Variants in TNRC6C observed in about 807,000 individuals in gnomAD.
TNRC6C encodes trinucleotide repeat containing adaptor 6C, also known as trinucleotide repeat-containing gene 6C protein.
Under a neutral mutation model 153.7 loss-of-function variants are expected in TNRC6C, and 20 were observed. The observed-to-expected ratio is 0.13, with a 90% CI of 0.09 to 0.19. The LOEUF is 0.19. Ranked by LOEUF, TNRC6C falls within the 10% of genes least tolerant of loss-of-function variation. TNRC6C has a pLI of 1.00. For missense variants in TNRC6C, 1,987 were observed against 2,172.0 expected, an observed-to-expected ratio of 0.91 and a Z score of 1.69; for synonymous variants, 811 against 841.4, an observed-to-expected ratio of 0.96 and a Z score of 0.63.
chr17:78,014,392 C>A (rs568087742), intron 1 of TNRC6C, among the ~76,000 whole-genome samples: 1 of 152,220 alleles, frequency 6.6e-6, no homozygotes, highest in South Asian at 2.1e-4. Flanking sequence ...GGCATTAATG[C>A]TGTCTTGATT....
At chr17:77,958,645 C>G (rs2070831762), upstream of TNRC6C, among the ~76,000 whole-genome samples, 1 of 148,184 alleles carries the variant, frequency 6.7e-6, no homozygotes. Flanking sequence ...CAACGCGGGG[C>G]GGGGAAGGGG....
At chr17:77,973,957 CTTT>C (rs2070963048) in intron 1 of TNRC6C, among the ~76,000 whole-genome samples, 1 of 137,898 alleles carries the variant, frequency 7.3e-6, no homozygotes, top group South Asian at 2.2e-4. Flanking sequence ...TCCCAGAAGG[CTTT>C]TGTTGTTGTT....
chr17:78,031,945 C>T, intron 2 of TNRC6C, 103 bp downstream of exon 4: 1 of 939,420 alleles, frequency 1.1e-6, no homozygotes, highest in Non-Finnish European at 1.4e-6. Context: ...TCCATACTCA[C>T]AACATACACA....
chr17:78,058,023 C>T (rs79810498), intron 3 of TNRC6C, among the ~76,000 whole-genome samples: 14 of 152,240 alleles, frequency 9.2e-5, no homozygotes, highest in African/African-American at 2.6e-4. Context: ...CAGTATTAGT[C>T]CAGAGAAATA....
At chr17:77,965,150 G>A (rs142449224) in intron 1 of TNRC6C, among the ~76,000 whole-genome samples, 1 of 152,300 alleles carries the variant, frequency 6.6e-6, no homozygotes, top group African/African-American at 2.4e-5. Context: ...CCATTTTACA[G>A]ATGAGCAAAG....
chr17:78,064,176 C>CTTA (rs1409137588), intron 3 of TNRC6C, among the ~76,000 whole-genome samples: 2 of 152,270 alleles, frequency 1.3e-5, no homozygotes, highest in East Asian at 3.9e-4. Context: ...TAAAACTTAA[C>CTTA]CACTTGGTTC....
upstream of TNRC6C, among the ~76,000 whole-genome samples, chr17:78,000,749 C>T (rs2071401335): frequency 6.6e-6 from 1 of 151,424 alleles, no homozygotes; most frequent in African/African-American, 2.4e-5. Context: ...GAAACATTTA[C>T]AATTTCTGAT....
chr17:78,080,605 T>C (rs967070840), intron 10 of TNRC6C, among the ~76,000 whole-genome samples: 7 of 152,234 alleles, frequency 4.6e-5, no homozygotes, highest in Non-Finnish European at 5.9e-5. Flanking sequence ...AGTTTTTAAT[T>C]ACAGTGTTAG....
intron 1 of TNRC6C, among the ~76,000 whole-genome samples, chr17:77,968,122 T>C (rs2070912586): frequency 6.6e-6 from 1 of 152,228 alleles, no homozygotes; most frequent in African/African-American, 2.4e-5. Context: ...AACCTCTGCC[T>C]CTCAGGTTCA....
chr17:78,012,004 T>C (rs1174432748), intron 1 of TNRC6C: 1 of 152,232 alleles, frequency 6.6e-6, no homozygotes, highest in African/African-American at 2.4e-5. Context: ...TTTTTCCAGA[T>C]TGGTTTCTGA....
rs1054691042 is a variant in TNRC6C at position 78,102,402 on chromosome 17, T to C, written c.4502-72T>C. 6 of 1,391,312 alleles carry C rather than the reference T, an allele frequency of 4.3e-6. No homozygotes were observed. In the South Asian group the frequency reaches 7.6e-5, roughly 18 times the overall value. 86.2% of individuals were successfully genotyped at this position (1,391,312 alleles called of 1,614,324 possible). ...TGTGCTGTCCCACACTTCAGCACAA[T>C]AAGAAGTGGGGAGGGCCGCACTATC... On this transcript the variant is annotated intron_variant, in intron 17 of 19. Transcript: ENST00000301624.
At chr17:77,966,320 G>A (rs1446335249) in intron 1 of TNRC6C, among the ~76,000 whole-genome samples, 3 of 151,856 alleles carry the variant, frequency 2.0e-5, no homozygotes, top group African/African-American at 7.2e-5. Flanking sequence ...TGAATCAGGT[G>A]TTGGATTAGA....
At chr17:77,974,492 A>C (rs112948673) in intron 1 of TNRC6C, among the ~76,000 whole-genome samples, 7,706 of 136,090 alleles carry the variant, frequency 0.057, 458 homozygotes, top group African/African-American at 0.16. Context: ...GCCCCGCCCC[A>C]AAAAAAAAGT....
intron 1 of TNRC6C, among the ~76,000 whole-genome samples, chr17:77,980,130 G>A (rs1164463961): frequency 6.6e-6 from 1 of 152,192 alleles, no homozygotes; most frequent in Non-Finnish European, 1.5e-5. Flanking sequence ...AAGGAGTAAA[G>A]AGCACTGGAA....
At chr17:78,012,072 G>A (rs2143388716) in intron 1 of TNRC6C, 1 of 152,280 alleles carries the variant, frequency 6.6e-6, no homozygotes. Context: ...TTGTCTACAT[G>A]CCTCAGTCAT....
intron 1 of TNRC6C, among the ~76,000 whole-genome samples, chr17:78,029,808 GACACACACAC>G (rs57924935): frequency 7.5e-5 from 11 of 146,256 alleles, no homozygotes; most frequent in Non-Finnish European, 1.5e-4. Flanking sequence ...TAAAAACCTA[GACACACACAC>G]ACACACACAC....
chr17:77,976,952 A>C (rs1022316441), intron 1 of TNRC6C, among the ~76,000 whole-genome samples: 45 of 150,300 alleles, frequency 3.0e-4, no homozygotes, highest in African/African-American at 1.0e-3. Flanking sequence ...AAAAAAAAAA[A>C]AAAAAAAACT....
At chr17:78,087,217 TG>T in intron 13 of TNRC6C, 124 bp downstream of exon 15, 1 of 1,452,980 alleles carries the variant, frequency 6.9e-7, no homozygotes, top group South Asian at 1.5e-5. Flanking sequence ...CATAGCCTGT[TG>T]GAAATGCAGC....
rs2073287007 is a variant in TNRC6C, at chr17:78,086,348, A to AAC, written c.3478-154_3478-153insCA. Among the ~76,000 whole-genome samples, 3 of 139,898 alleles carry AAC rather than the reference A, an allele frequency of 2.1e-5. No individual in the cohort carries two copies. The Admixed American group carries it at 2.2e-4, about 10-fold the overall frequency. The allele number at this position is 139,898 out of a possible 152,430, so 91.8% of individuals were successfully genotyped here. On this transcript the variant is annotated intron_variant, in intron 11 of 19. Coordinates refer to ENST00000301624, the Ensembl canonical transcript of TNRC6C. ...CCATCTAAAAAAAAAAAAAAAAAAA[A>AAC]AAAAAAAAAAAACAGTATGTGTCAG...
Sources: allele counts gnomAD v4.1 joint callset (sites outside exome capture counted in the v4.1 genomes callset), GRCh38; gene constraint gnomAD v4.1.1; transcripts MANE v1.5; gene names NCBI Gene and HGNC (gene_info 2026-07-23, HGNC 2026-07-21).